NRG4: variants seen among roughly 807,000 people sequenced by gnomAD.
NRG4 encodes the protein pro-neuregulin-4, membrane-bound isoform.
Under a neutral mutation model 15.0 loss-of-function variants are expected in NRG4, and 10 were observed. The observed-to-expected ratio is 0.67, with a 90% CI of 0.41 to 1.13. NRG4 has a LOEUF of 1.13. NRG4 is among the 50% of genes most tolerant of loss of function. The probability of loss-of-function intolerance (pLI) is 0.00; values close to 1 mark genes in which losing one functional copy is unlikely to be tolerated. For missense variants in NRG4, 139 were observed against 140.2 expected (o/e 0.99, Z 0.04); for synonymous variants, 41 against 50.1 (o/e 0.82, Z 0.77).
intron 5 of NRG4, among the ~76,000 whole-genome samples, chr15:76,030,897 A>G (rs1393331989): frequency 2.0e-5 from 3 of 152,242 alleles, no homozygotes; most frequent in East Asian, 1.9e-4. Context: ...TGAAGCCAAC[A>G]TAACCTTGAT....
rs778784538 is a variant in NRG4, at chr15:75,940,947, T to C, written c.*2691A>G. On this transcript the variant is annotated 3_prime_UTR_variant, in exon 6 of 6. Transcript: ENST00000394907. Reference sequence around the variant, plus strand: ...AACGAAAGAAAAAATAGGCAAATTATACTTCATTAAAATTTTGTGCATCAA... The same window carrying C: ...AACGAAAGAAAAAATAGGCAAATTACACTTCATTAAAATTTTGTGCATCAA... The C allele has an allele frequency of 6.6e-6, 1 of 152,116 alleles. No homozygotes were observed. The highest frequency in any genetic ancestry group is 1.5e-5 in the Non-Finnish European group (1 of 67,976). 9.4% of individuals were successfully genotyped at this position (152,116 alleles called of 1,614,324 possible).
intron 3 of NRG4, among the ~76,000 whole-genome samples, chr15:76,003,861 GT>G: frequency 6.6e-6 from 1 of 152,116 alleles, no homozygotes; most frequent in East Asian, 1.9e-4. Context: ...AAAACTAAGA[GT>G]TTTTAAGGCA....
intron 5 of NRG4, among the ~76,000 whole-genome samples, chr15:75,955,323 A>G (rs1200853313): frequency 6.6e-6 from 1 of 152,154 alleles, no homozygotes; most frequent in African/African-American, 2.4e-5. Flanking sequence ...AAGCCTGGAA[A>G]TTCTCTCCAG....
intron 5 of NRG4, 98 bp downstream of exon 5, chr15:75,955,834 C>T: frequency 8.0e-6 from 5 of 622,848 alleles, no homozygotes; most frequent in Admixed American, 3.2e-5. Context: ...TAGGCTCAAC[C>T]TTTTTTTTCT....
At chr15:76,011,366 G>C in intron 1 of NRG4, 80 bp from the exon 2 acceptor site, 1 of 692,156 alleles carries the variant, frequency 1.4e-6, no homozygotes, top group East Asian at 3.3e-5. Context: ...TATTCTAATA[G>C]CAATATTCTT....
chr15:76,027,460 C>T (rs1011857879), intron 5 of NRG4, among the ~76,000 whole-genome samples: 2 of 151,232 alleles, frequency 1.3e-5, no homozygotes, highest in Middle Eastern at 3.4e-3. Flanking sequence ...ACATATAATC[C>T]TCAATGGATC....
intron 3 of NRG4, among the ~76,000 whole-genome samples, chr15:75,988,044 C>T (rs777178393): frequency 4.6e-5 from 7 of 152,190 alleles, no homozygotes; most frequent in Non-Finnish European, 7.3e-5. Flanking sequence ...TTTACCTAGA[C>T]ATTATCCTGG....
At chr15:75,966,678 T>G (rs2032809280) in intron 3 of NRG4, among the ~76,000 whole-genome samples, 1 of 152,178 alleles carries the variant, frequency 6.6e-6, no homozygotes, top group African/African-American at 2.4e-5. Context: ...AAAGAGAAAG[T>G]CTAATACTGG....
intron 3 of NRG4, among the ~76,000 whole-genome samples, chr15:76,007,145 T>C (rs2034633593): frequency 6.6e-6 from 1 of 151,990 alleles, no homozygotes; most frequent in South Asian, 2.1e-4. Flanking sequence ...TATTAGAAAA[T>C]AAGGCTAAAC....
intron 3 of NRG4, among the ~76,000 whole-genome samples, chr15:75,968,143 G>A (rs1324709606): frequency 1.3e-5 from 2 of 152,122 alleles, no homozygotes; most frequent in African/African-American, 4.8e-5. Flanking sequence ...AATGCTGGTT[G>A]GGTCATGAGA....
intron 5 of NRG4, 120 bp downstream of exon 5, chr15:75,955,812 C>T: frequency 4.5e-6 from 2 of 446,096 alleles, no homozygotes; most frequent in Non-Finnish European, 7.9e-6. Flanking sequence ...AAAAAAAACC[C>T]ATAGAAAAGT....
chr15:75,978,875 T>C (rs190151235), intron 3 of NRG4, among the ~76,000 whole-genome samples: 82 of 152,332 alleles, frequency 5.4e-4, no homozygotes, highest in Non-Finnish European at 4.4e-5. Context: ...TCCATTTTTT[T>C]CAATTAGCAA....
At chr15:76,020,432 G>C (rs1474364635) in intron 5 of NRG4, among the ~76,000 whole-genome samples, 1 of 152,146 alleles carries the variant, frequency 6.6e-6, no homozygotes, top group Non-Finnish European at 1.5e-5. Context: ...AAATGAAACA[G>C]CCTTATTGCT....
At chr15:76,018,024 C>A (rs1443575582) in intron 5 of NRG4, among the ~76,000 whole-genome samples, 1 of 152,072 alleles carries the variant, frequency 6.6e-6, no homozygotes, top group African/African-American at 2.4e-5. Context: ...TCGTTTGTTT[C>A]TTTTCAATCT....
At chr15:75,955,864 T>A in intron 5 of NRG4, 68 bp downstream of exon 5, 3 of 845,124 alleles carry the variant, frequency 3.5e-6, no homozygotes, top group South Asian at 1.5e-5. Context: ...TAAATACAAA[T>A]CCCTACATCT....
At chr15:76,046,403 G>A (rs535786305) in intron 4 of NRG4, among the ~76,000 whole-genome samples, 7 of 151,158 alleles carry the variant, frequency 4.6e-5, no homozygotes, top group Non-Finnish European at 8.8e-5. Flanking sequence ...AAGCAATCCT[G>A]AGCAAAAAGA....
rs1339494846 is a variant in NRG4, at chr15:75,941,356, G to C, written c.*2282C>G. ...AATATAGTGGTATGCAGCTGCTGTA[G>C]AAAACAGTATGGTGATTTTCCAATT... On this transcript the variant is annotated 3_prime_UTR_variant, in exon 6 of 6. Coordinates refer to ENST00000394907, the MANE Select transcript of NRG4 (RefSeq NM_138573.4). 1.3e-5 allele frequency: 2 copies of C among 152,136 alleles called. No homozygotes were observed. The highest frequency in any genetic ancestry group is 6.5e-5 in the Admixed American group (1 of 15,288). 9.4% of individuals were successfully genotyped at this position (152,136 alleles called of 1,614,324 possible). A position where few individuals can be genotyped will look rare whatever the true frequency, so the allele number is the denominator to read the frequency against.
At chr15:75,969,168 G>GA in intron 3 of NRG4, 2 of 456,086 alleles carry the variant, frequency 4.4e-6, no homozygotes, top group Non-Finnish European at 4.4e-6. Context: ...CTAATGCAGG[G>GA]AAAATCTCAT....
At chr15:76,000,754 G>C (rs1453696642) in intron 3 of NRG4, among the ~76,000 whole-genome samples, 1 of 152,110 alleles carries the variant, frequency 6.6e-6, no homozygotes, top group Non-Finnish European at 1.5e-5. Context: ...GGTACACACT[G>C]TGTGTACTTC....
Sources: allele counts gnomAD v4.1 joint callset (sites outside exome capture counted in the v4.1 genomes callset), GRCh38; gene constraint gnomAD v4.1.1; transcripts MANE v1.5; gene names NCBI Gene and HGNC (gene_info 2026-07-23, HGNC 2026-07-21).